Variants in DACT1 observed in about 807,000 individuals in gnomAD.
DACT1 encodes the protein dapper homolog 1.
Under a neutral mutation model 35.3 loss-of-function variants are expected in DACT1, and 19 were observed. That is an observed-to-expected ratio of 0.54 (90% CI 0.38 to 0.79). The LOEUF (loss-of-function observed/expected upper bound fraction) is 0.79. DACT1 is among the 30% of genes least tolerant of loss of function. The pLI, the probability that DACT1 is intolerant of heterozygous loss-of-function variation, is 0.00. For synonymous variants in DACT1, 545 were observed against 466.7 expected, an observed-to-expected ratio of 1.17 and a Z score of -2.16; for missense variants, 1,143 against 1,057.5, an observed-to-expected ratio of 1.08 and a Z score of -1.12.
At chr14:58,641,547 T>G (rs1374539855) in intron 2 of DACT1, 45 bp from the exon 3 acceptor site, 3 of 1,576,600 alleles carry the variant, frequency 1.9e-6, no homozygotes. Flanking sequence ...GAATATGCAT[T>G]ATTTCTTGAC....
chr14:58,646,989 A>G lies in DACT1; in HGVS notation c.2255A>G (p.Gln752Arg), dbSNP rs1183230049. The G allele has an allele frequency of 1.9e-6, 3 of 1,614,080 alleles. No homozygotes were observed. The highest frequency in any genetic ancestry group is 2.5e-6 in the Non-Finnish European group (3 of 1,180,040). ...SGGLIWSQFV[Q>R]TLPIQTVTAP... is the part of the protein sequence containing the mutation. ...GGCTTAATTTGGTCCCAGTTTGTCC[A>G]GACTCTGCCCATTCAAACGGTAACG... Residue 752 changes from glutamine (Q) to arginine (R), a missense_variant, in exon 4 of 4, where the codon CAG becomes CGG. Gln to Arg is a conservative substitution (Grantham distance 43). Around this residue, in one of 3 missense-constraint regions of DACT1, gnomAD observed 1,054 missense variants for 958.8 expected, o/e 1.10. Transcript: ENST00000395153.
chr14:58,642,969 A>G (rs2047641664), intron 3 of DACT1, among the ~76,000 whole-genome samples: 1 of 152,136 alleles, frequency 6.6e-6, no homozygotes, highest in African/African-American at 2.4e-5. Flanking sequence ...CTCTGTATGT[A>G]TTTATCTCCA....
At chr14:58,638,728 C>A in intron 1 of DACT1, 181 bp downstream of exon 1, 4 of 1,179,820 alleles carry the variant, frequency 3.4e-6, no homozygotes, top group Non-Finnish European at 4.2e-6. Flanking sequence ...TGTGGGCTGC[C>A]GACGCCCACG....
rs1434190739 is a variant in DACT1 at position 58,638,195 on chromosome 14, T to C, written c.-8T>C. ...GCGGTGACGGCTCTCGCTGCCCGAC[T>C]GGGGGCCATGAAGCCGAGTCCGGCC... On this transcript the variant is annotated 5_prime_UTR_variant, in exon 1 of 4. Coordinates refer to ENST00000395153, the MANE Select transcript of DACT1 (RefSeq NM_001079520.2). 2 of 1,315,970 alleles carry C rather than the reference T, an allele frequency of 1.5e-6. No individual in the cohort carries two copies. The highest frequency in any genetic ancestry group is 1.6e-5 in the African/African-American group (1 of 64,426). 81.5% of individuals were successfully genotyped at this position (1,315,970 alleles called of 1,614,324 possible). A position where few individuals can be genotyped will look rare whatever the true frequency, so the allele number is the denominator to read the frequency against.
chr14:58,644,870 T>C (rs931325294), intron 3 of DACT1, among the ~76,000 whole-genome samples: 2 of 152,234 alleles, frequency 1.3e-5, no homozygotes, highest in African/African-American at 4.8e-5. Flanking sequence ...CATTCTGAAA[T>C]ACTACTACTA....
rs2047682574 is a variant in DACT1 at position 58,646,392 on chromosome 14, C to T, written c.1658C>T (p.Ala553Val). 1.9e-6 allele frequency: 3 copies of T among 1,603,320 alleles called. No individual in the cohort carries two copies. The highest frequency in any genetic ancestry group is 2.5e-6 in the Non-Finnish European group (3 of 1,177,396). Residue 553 changes from alanine to valine, a missense_variant, in exon 4 of 4, where the codon GCC (alanine) becomes GTC (valine). Transcript: ENST00000395153. ...KNSSLKHRGP[A>V]LQGLENGLPT... ...TCCAGCCTGAAGCACCGCGGCCCAGCCCTCCAGGGGCTGGAGAACGGCTTG... is the reference window on the plus strand; with the variant it reads ...TCCAGCCTGAAGCACCGCGGCCCAGTCCTCCAGGGGCTGGAGAACGGCTTG...
At chr14:58,640,992 A>G in intron 2 of DACT1, 124 bp downstream of exon 2, 1 of 1,066,672 alleles carries the variant, frequency 9.4e-7, no homozygotes, top group Non-Finnish European at 1.3e-6. Context: ...AGGATAAACA[A>G]AAAAGAAGTC....
chr14:58,634,660 T>G (rs1362922325), upstream of DACT1, among the ~76,000 whole-genome samples: 1 of 152,232 alleles, frequency 6.6e-6, no homozygotes, highest in Non-Finnish European at 1.5e-5. Flanking sequence ...TCATTTGTGT[T>G]TGTTTGGCCA....
At chr14:58,645,293 T>G in intron 3 of DACT1, 76 bp from the exon 4 acceptor site, 1 of 1,614,202 alleles carries the variant, frequency 6.2e-7, no homozygotes, top group Non-Finnish European at 8.5e-7. Context: ...AGAAGGCCAC[T>G]GTGAAGACCA....
Position 58,647,001 on chromosome 14 carries a change from T to G in DACT1, c.2267T>G (p.Ile756Ser), listed in dbSNP as rs770375856. Residue 756 changes from isoleucine (I) to serine (S), a missense_variant, in exon 4 of 4, where the codon ATT becomes AGT. By Grantham distance (142) the Ile-to-Ser change is moderately radical. Coordinates refer to ENST00000395153, the MANE Select transcript of DACT1 (RefSeq NM_001079520.2). Reference protein sequence around the residue: ...IWSQFVQTLPIQTVTAPDLHN... With the variant: ...IWSQFVQTLPSQTVTAPDLHN... ...TCCCAGTTTGTCCAGACTCTGCCCA[T>G]TCAAACGGTAACGGCCCCAGACCTT... The G allele has an allele frequency of 6.2e-7, 1 of 1,614,168 alleles. No individual in the cohort carries two copies. The highest frequency in any genetic ancestry group is 1.3e-5 in the African/African-American group (1 of 75,042).
At chr14:58,642,187 T>A (rs1286064364) in intron 3 of DACT1, among the ~76,000 whole-genome samples, 1 of 152,090 alleles carries the variant, frequency 6.6e-6, no homozygotes, top group Non-Finnish European at 1.5e-5. Context: ...GGTCAGGAGT[T>A]CAAGACCAGC....
chr14:58,643,079 C>T (rs2047642524), intron 3 of DACT1, among the ~76,000 whole-genome samples: 1 of 152,152 alleles, frequency 6.6e-6, no homozygotes, highest in Non-Finnish European at 1.5e-5. Context: ...TTATTTAAGG[C>T]TCTATAGATG....
At chr14:58,637,561 G>A (rs2047582075), upstream of DACT1, among the ~76,000 whole-genome samples, 4 of 152,184 alleles carry the variant, frequency 2.6e-5, no homozygotes, top group Admixed American at 2.6e-4. Flanking sequence ...CTGCAACTTG[G>A]TCGAGTTTCA....
Position 58,638,170 on chromosome 14 carries a change from G to C in DACT1, c.-33G>C, listed in dbSNP as rs1379722821. 6 of 1,276,676 alleles carry C rather than the reference G, an allele frequency of 4.7e-6. No homozygotes were observed. The highest frequency in any genetic ancestry group is 5.9e-6 in the Non-Finnish European group (6 of 1,012,272). 79.1% of individuals were successfully genotyped at this position (1,276,676 alleles called of 1,614,324 possible). A position where few individuals can be genotyped will look rare whatever the true frequency, so the allele number is the denominator to read the frequency against. On this transcript the variant is annotated 5_prime_UTR_variant, in exon 1 of 4. Transcript: ENST00000395153. ...GCTCCTCCGCCTGGGCGGCCCGGCT[G>C]CGGTGACGGCTCTCGCTGCCCGACT... is the stretch of plus-strand genomic sequence containing the variant.
intron 3 of DACT1, among the ~76,000 whole-genome samples, chr14:58,642,500 C>T (rs1310709808): frequency 2.0e-5 from 3 of 151,244 alleles, no homozygotes; most frequent in Admixed American, 6.6e-5. Context: ...AAAAGACCAG[C>T]CTGGGCAACA....
chr14:58,638,580 T>C (rs774092710), intron 1 of DACT1, 33 bp downstream of exon 1: 2 of 1,316,152 alleles, frequency 1.5e-6, no homozygotes, highest in Non-Finnish European at 1.9e-6. Flanking sequence ...GCACGGCTGT[T>C]CCTGCCCAGG....
At position 58,638,352 on chromosome 14, in the gene DACT1, C is replaced by T. The variant is rs1456629629; in HGVS notation, c.150C>T (p.Ala50=). 3 of 1,308,534 alleles carry T rather than the reference C, an allele frequency of 2.3e-6. No homozygotes were observed. Among genetic ancestry groups the T allele is most frequent in the Non-Finnish European group, 1.9e-6 (2 of 1,033,650 alleles). The allele number at this position is 1,308,534 out of a possible 1,614,324, so 81.1% of individuals were successfully genotyped here. A position where few individuals can be genotyped will look rare whatever the true frequency, so the allele number is the denominator to read the frequency against. ...AGCGCACCCGGGAGCGGCAGGAGGC[C>T]ACGCTGGCCGGGCTGGCGGAGCTGG... ...ERQRTRERQE[A]TLAGLAELEY... Residue 50 remains alanine, a synonymous_variant, in exon 1 of 4, where the codon GCC becomes GCT. Transcript: ENST00000395153.
intron 3 of DACT1, among the ~76,000 whole-genome samples, chr14:58,645,040 T>C (rs1378800514): frequency 6.6e-6 from 1 of 152,232 alleles, no homozygotes; most frequent in African/African-American, 2.4e-5. Context: ...ATGGCTGAAT[T>C]TTTTTCCTTC....
rs1566510029 is a variant in DACT1 at position 58,645,978 on chromosome 14, TGCCAAAAACGGCCAA to T, written c.1249_1263del (p.Lys417_Pro421del). 1.2e-6 allele frequency: 2 copies of T among 1,613,876 alleles called. No homozygotes were observed. Among genetic ancestry groups the T allele is most frequent in the Non-Finnish European group, 1.7e-6 (2 of 1,180,016 alleles). ...GCCTCCGACCTTCAGAGTAAGCACC[TGCCAAAAACGGCCAA>T]GCCAGCCTCGCAAGAACATGCTCGG... is the stretch of plus-strand genomic sequence containing the variant. On this transcript the variant is annotated inframe_deletion, in exon 4 of 4. Transcript: ENST00000395153.
Sources: allele counts gnomAD v4.1 joint callset (sites outside exome capture counted in the v4.1 genomes callset), GRCh38; gene constraint gnomAD v4.1.1; regional missense constraint gnomAD v4.1.1; transcripts MANE v1.5; gene names NCBI Gene and HGNC (gene_info 2026-07-23, HGNC 2026-07-21).